PTGFRN: variants seen among roughly 807,000 people sequenced by gnomAD.
The protein encoded by PTGFRN is prostaglandin F2 receptor negative regulator.
A neutral mutation model predicts 83.2 loss-of-function variants in PTGFRN; 35 were observed. That is an observed-to-expected ratio of 0.42 (90% CI 0.32 to 0.56). PTGFRN has a LOEUF of 0.56. PTGFRN is among the 20% of genes least tolerant of loss of function. The probability of loss-of-function intolerance (pLI) is 0.11; values close to 1 mark genes in which losing one functional copy is unlikely to be tolerated. For missense variants in PTGFRN, 1,051 were observed against 1,179.5 expected, an observed-to-expected ratio of 0.89 and a Z score of 1.60; for synonymous variants, 519 against 498.6, an observed-to-expected ratio of 1.04 and a Z score of -0.55.
At chr1:116,919,720 G>A (rs1045608181) in intron 1 of PTGFRN, among the ~76,000 whole-genome samples, 1 of 152,228 alleles carries the variant, frequency 6.6e-6, no homozygotes. Flanking sequence ...GCTCCAGAGT[G>A]TGGGTTCATA....
chr1:116,945,900 G>C (rs1435264274), intron 3 of PTGFRN, among the ~76,000 whole-genome samples: 2 of 152,180 alleles, frequency 1.3e-5, no homozygotes, highest in Admixed American at 1.3e-4. Flanking sequence ...TGTGTGCTCA[G>C]CTCTGTTCTG....
rs1197165190 is a variant in PTGFRN, at chr1:116,989,845, C to T, written c.*2878C>T. ...GTGTCTTTCCCCCCCTCACCCTCAC[C>T]ATCTGAGGGGCTCCCTGAGATCTTG... On this transcript the variant is annotated 3_prime_UTR_variant, in exon 9 of 9. Transcript: ENST00000393203. 1 of 152,472 alleles carries T rather than the reference C, an allele frequency of 6.6e-6. No homozygotes were observed. Among genetic ancestry groups the T allele is most frequent in the Non-Finnish European group, 1.5e-5 (1 of 68,016 alleles). 9.4% of individuals were successfully genotyped at this position (152,472 alleles called of 1,614,324 possible).
rs903368550 is a variant in PTGFRN, at chr1:116,952,894, G to A, written c.1213+3322G>A. On this transcript the variant is annotated intron_variant, in intron 4 of 8. Coordinates refer to ENST00000393203, the MANE Select transcript of PTGFRN (RefSeq NM_020440.4). This position sits in a 1 kb window ranked among gnomAD's most constrained non-coding sequence, Gnocchi z 4.0. ...AGTGTGTGAAGGGTTTCTGTAAGAAGCTCAATTACTATGGGGGACAAATGA... is the reference window on the plus strand; with the variant it reads ...AGTGTGTGAAGGGTTTCTGTAAGAAACTCAATTACTATGGGGGACAAATGA... Among the ~76,000 whole-genome samples, 3 of 152,244 alleles carry A rather than the reference G, an allele frequency of 2.0e-5. No homozygotes were observed. Among genetic ancestry groups the A allele is most frequent in the African/African-American group, 7.2e-5 (3 of 41,468 alleles).
chr1:116,947,495 G>A (rs1165917923), intron 3 of PTGFRN, among the ~76,000 whole-genome samples: 1 of 152,158 alleles, frequency 6.6e-6, no homozygotes. Flanking sequence ...TCTGGTTAGT[G>A]ATGTGACAAG....
At chr1:116,949,630 T>C in intron 4 of PTGFRN, 58 bp downstream of exon 4, 1 of 1,544,602 alleles carries the variant, frequency 6.5e-7, no homozygotes, top group Non-Finnish European at 8.7e-7. Context: ...CTCGGAGTTA[T>C]CTGAAGGAGT....
Position 116,961,889 on chromosome 1 carries a change from A to G in PTGFRN, c.1639+221A>G, listed in dbSNP as rs1650675926. Reference sequence around the variant, plus strand: ...GAGGTCCCTCTCCAACTCACTGTCAATCAGCCAAGTCTCTTGTTTCCTGAA... The same window carrying G: ...GAGGTCCCTCTCCAACTCACTGTCAGTCAGCCAAGTCTCTTGTTTCCTGAA... On this transcript the variant is annotated intron_variant, in intron 5 of 8. Transcript: ENST00000393203. This position sits in a 1 kb window ranked among gnomAD's most constrained non-coding sequence, Gnocchi z 5.4. Among the ~76,000 whole-genome samples, 1 of 152,056 alleles carries G rather than the reference A, an allele frequency of 6.6e-6. No homozygotes were observed. Among genetic ancestry groups the G allele is most frequent in the South Asian group, 2.1e-4 (1 of 4,806 alleles).
chr1:116,944,354 C>T (rs532506451), intron 2 of PTGFRN, among the ~76,000 whole-genome samples: 1 of 152,312 alleles, frequency 6.6e-6, no homozygotes, highest in African/African-American at 2.4e-5. Flanking sequence ...CAGTTGTCAT[C>T]CTCCTTTTAG....
rs1650377553 is a variant in PTGFRN at position 116,952,545 on chromosome 1, A to G, written c.1213+2973A>G. On this transcript the variant is annotated intron_variant, in intron 4 of 8. Coordinates refer to ENST00000393203, the MANE Select transcript of PTGFRN (RefSeq NM_020440.4). This position sits in a 1 kb window ranked among gnomAD's most constrained non-coding sequence, Gnocchi z 4.0. ...GACATAAAATCAAGATCAAAAGGGTAAAAGAAGAATAGATATTGCAAGGTG... is the reference window on the plus strand; with the variant it reads ...GACATAAAATCAAGATCAAAAGGGTGAAAGAAGAATAGATATTGCAAGGTG... Among the ~76,000 whole-genome samples the G allele has an allele frequency of 6.6e-6, 1 of 152,142 alleles. No individual in the cohort carries two copies. Among genetic ancestry groups the G allele is most frequent in the African/African-American group, 2.4e-5 (1 of 41,412 alleles).
At chr1:116,970,494 ACT>A (rs1650963310) in intron 6 of PTGFRN, among the ~76,000 whole-genome samples, 1 of 151,406 alleles carries the variant, frequency 6.6e-6, no homozygotes, top group African/African-American at 2.4e-5. Flanking sequence ...TTTCTTTTAA[ACT>A]CTTATATGGA....
rs772938230 is a variant in PTGFRN at position 116,961,663 on chromosome 1, T to C, written c.1634T>C (p.Leu545Ser). ...AAGCCTGTTAACATATTTTGGGCAT[T>C]AGAAGGTAGGAACTTTTTTCTTGTT... ...FSKPVNIFWA[L>S]EDSVLVVKAR... The change falls in exon 5 of 9, where the codon TTA becomes TCA. Residue 545 changes from leucine (L) to serine (S), a missense_variant. By Grantham distance (145) the Leu-to-Ser change is moderately radical (BLOSUM62 -2). Coordinates refer to ENST00000393203, the MANE Select transcript of PTGFRN (RefSeq NM_020440.4). The surrounding 1 kb of genome is among the most constrained non-coding windows in gnomAD (Gnocchi z 5.4). 1 of 1,600,256 alleles carries C rather than the reference T, an allele frequency of 6.2e-7. No homozygotes were observed. Among genetic ancestry groups the C allele is most frequent in the Non-Finnish European group, 8.5e-7 (1 of 1,173,304 alleles).
At chr1:116,951,451 T>C (rs1204074512) in intron 4 of PTGFRN, among the ~76,000 whole-genome samples, 1 of 152,250 alleles carries the variant, frequency 6.6e-6, no homozygotes, top group East Asian at 1.9e-4. Flanking sequence ...ACCTGCACCT[T>C]CCCTGCTGCT....
chr1:116,922,622 C>T (rs1338811259), intron 1 of PTGFRN, among the ~76,000 whole-genome samples: 2 of 152,202 alleles, frequency 1.3e-5, no homozygotes, highest in African/African-American at 4.8e-5. Context: ...CACATTCCAG[C>T]ACCGAGTTAG....
intron 4 of PTGFRN, among the ~76,000 whole-genome samples, chr1:116,957,996 A>AT (rs1557742963): frequency 6.6e-6 from 1 of 151,442 alleles, no homozygotes; most frequent in Non-Finnish European, 1.5e-5. Flanking sequence ...TATATACCAT[A>AT]TTTTTTTAAT....
At chr1:116,943,173 T>C (rs1650102891) in intron 2 of PTGFRN, among the ~76,000 whole-genome samples, 1 of 152,204 alleles carries the variant, frequency 6.6e-6, no homozygotes, top group Admixed American at 6.5e-5. Context: ...AACCCTGCCA[T>C]AGCTCAGAGA....
chr1:116,941,854 G>A lies in PTGFRN; in HGVS notation c.189G>A (p.Leu63=). The A allele has an allele frequency of 6.2e-7, 1 of 1,614,182 alleles. No individual in the cohort carries two copies. The highest frequency in any genetic ancestry group is 1.1e-5 in the South Asian group (1 of 91,084). The part of the protein sequence containing the change: ...EQNFDWSFSS[L]GSSFVELAST... Reference sequence around the variant, plus strand: ...ACTTTGACTGGAGCTTCTCATCTTTGGGGAGCAGCTTTGTGGAGCTTGCAA... The same window carrying A: ...ACTTTGACTGGAGCTTCTCATCTTTAGGGAGCAGCTTTGTGGAGCTTGCAA... The change falls in exon 2 of 9, where the codon TTG becomes TTA. Residue 63 remains leucine, a synonymous_variant. Coordinates refer to ENST00000393203, the MANE Select transcript of PTGFRN (RefSeq NM_020440.4). The surrounding 1 kb of genome is among the most constrained non-coding windows in gnomAD (Gnocchi z 5.0).
chr1:116,986,683 G>A, intron 8 of PTGFRN, 118 bp from the exon 9 acceptor site: 1 of 964,298 alleles, frequency 1.0e-6, no homozygotes, highest in East Asian at 2.5e-5. Context: ...AGATGCAGGA[G>A]GAATGAGACC....
rs1650062318 is a variant in PTGFRN at position 116,941,621 on chromosome 1, T to C, written c.50-94T>C. The stretch of plus-strand genomic sequence containing the variant: ...TAGTTTGGCTGTCACGTTTCTGCCA[T>C]GCCTGTGAGCAGGAGCATCCACAGG... On this transcript the variant is annotated intron_variant, in intron 1 of 8. Transcript: ENST00000393203. This position sits in a 1 kb window ranked among gnomAD's most constrained non-coding sequence, Gnocchi z 5.0. 1.4e-6 allele frequency: 2 copies of C among 1,470,902 alleles called. No individual in the cohort carries two copies. Among genetic ancestry groups the C allele is most frequent in the Non-Finnish European group, 1.8e-6 (2 of 1,100,880 alleles). The allele number at this position is 1,470,902 out of a possible 1,614,324, so 91.1% of individuals were successfully genotyped here. A position where few individuals can be genotyped will look rare whatever the true frequency, so the allele number is the denominator to read the frequency against.
chr1:116,944,462 C>A (rs1302298182), intron 2 of PTGFRN, among the ~76,000 whole-genome samples: 1 of 152,194 alleles, frequency 6.6e-6, no homozygotes. Context: ...TTTTACCACC[C>A]ACTTCTAGCA....
chr1:116,959,882 A>G (rs1650599131), intron 4 of PTGFRN, among the ~76,000 whole-genome samples: 1 of 152,076 alleles, frequency 6.6e-6, no homozygotes, highest in South Asian at 2.1e-4. Context: ...TGGCTGAAGC[A>G]TGAGAAACGC....
Sources: gnomAD v4.1 joint callset for allele counts (sites outside exome capture counted in the v4.1 genomes callset) on GRCh38, gnomAD v4.1.1 for gene constraint, Gnocchi (gnomAD v3.1) non-coding constraint, MANE v1.5 for transcripts, NCBI Gene and HGNC (gene_info 2026-07-23, HGNC 2026-07-21) for gene names.